ARHGEF7: variants seen among roughly 807,000 people sequenced by gnomAD.
ARHGEF7 encodes the protein Rho guanine nucleotide exchange factor 7.
A neutral mutation model predicts 109.8 loss-of-function variants in ARHGEF7; 33 were observed. That is an observed-to-expected ratio of 0.30 (90% confidence interval 0.23 to 0.40). ARHGEF7 has a LOEUF of 0.40. Among genes scored for constraint, ARHGEF7 ranks in the 10% least tolerant of loss-of-function variants. The pLI, the probability that ARHGEF7 is intolerant of heterozygous loss-of-function variation, is 1.00. For synonymous variants in ARHGEF7, 458 were observed against 424.6 expected, an observed-to-expected ratio of 1.08 and a Z score of -0.97; for missense variants, 938 against 1,098.5, an observed-to-expected ratio of 0.85 and a Z score of 2.07.
rs193170328 is a variant in ARHGEF7, at chr13:111,301,619, A to G, written c.2466+87A>G. 225 of 1,093,954 alleles carry G rather than the reference A, an allele frequency of 2.1e-4. 1 individual carries two copies. In the East Asian group the frequency reaches 4.9e-3, roughly 24 times the overall value. The allele number at this position is 1,093,954 out of a possible 1,614,324, so 67.8% of individuals were successfully genotyped here. A position where few individuals can be genotyped will look rare whatever the true frequency, so the allele number is the denominator to read the frequency against. ...TACATTAAAAATAAGCTGGCTGGGT[A>G]CGGTGGCTCACACCTATAATCCCAG... On this transcript the variant is annotated intron_variant, in intron 21 of 21. Transcript: ENST00000646102.
Position 111,280,626 on chromosome 13 carries a change from C to G in ARHGEF7, c.1674C>G (p.Val558=), listed in dbSNP as rs761304541. 4.3e-6 allele frequency: 7 copies of G among 1,612,014 alleles called. No homozygotes were observed. The highest frequency in any genetic ancestry group is 1.7e-5 in the Admixed American group (1 of 59,510). The change falls in exon 15 of 22, where the codon GTC becomes GTG. Residue 558 remains valine, a synonymous_variant. Coordinates refer to ENST00000646102, the MANE Select transcript of ARHGEF7 (RefSeq NM_001354046.2). ...AGCACCTACAGAAGCAAACGAAGGT[C>G]ACGTCTGTGGGAAACCCCACCATAA... ...WVEHLQKQTK[V]TSVGNPTIKP...
In ARHGEF7 at chr13:111,277,683, A is replaced by T. The variant is rs775822926; in HGVS notation, c.1506+10A>T. 2 of 1,531,216 alleles carry T rather than the reference A, an allele frequency of 1.3e-6. No homozygotes were observed. Among genetic ancestry groups the T allele is most frequent in the East Asian group, 2.2e-5 (1 of 44,474 alleles). The allele number at this position is 1,531,216 out of a possible 1,614,324, so 94.9% of individuals were successfully genotyped here. A position where few individuals can be genotyped will look rare whatever the true frequency, so the allele number is the denominator to read the frequency against. On this transcript the variant is annotated intron_variant, in intron 13 of 21. Coordinates refer to ENST00000646102, the MANE Select transcript of ARHGEF7 (RefSeq NM_001354046.2). ...TGGCTTTATCTATCAGGTAAAACAC[A>T]ATTTAAATTTATATTTTATTGTGGA...
In ARHGEF7 at chr13:111,196,430, A is replaced by G. The variant is rs189646790; in HGVS notation, c.253-8859A>G. Among the ~76,000 whole-genome samples the G allele has an allele frequency of 9.1e-4, 138 of 152,364 alleles. 1 individual carries two copies. Among genetic ancestry groups the G allele is most frequent in the African/African-American group, 3.1e-3 (130 of 41,586 alleles). On this transcript the variant is annotated intron_variant, in intron 2 of 21. Coordinates refer to ENST00000646102, the MANE Select transcript of ARHGEF7 (RefSeq NM_001354046.2). ...TTCATTAAAGACTAGGGTTTGATCT[A>G]ACAATAGCATGACATCTCTCCAAGT...
chr13:111,150,235 G>A (rs1278183006), intron 1 of ARHGEF7, among the ~76,000 whole-genome samples: 1 of 152,242 alleles, frequency 6.6e-6, no homozygotes, highest in Admixed American at 6.5e-5. Flanking sequence ...TAAATGTGAG[G>A]CCACGTTCAA....
chr13:111,194,681 A>G (rs1226431972), intron 2 of ARHGEF7, among the ~76,000 whole-genome samples: 1 of 152,212 alleles, frequency 6.6e-6, no homozygotes, highest in African/African-American at 2.4e-5. Flanking sequence ...AATCATCCAC[A>G]TGCTGAAGGA....
intron 2 of ARHGEF7, among the ~76,000 whole-genome samples, chr13:111,187,345 G>A (rs1020519441): frequency 6.6e-6 from 1 of 152,136 alleles, no homozygotes; most frequent in Non-Finnish European, 1.5e-5. Flanking sequence ...GTGGGCCTGG[G>A]GCTGCCAGTG....
chr13:111,302,303 C>T (rs369253641), intron 21 of ARHGEF7, among the ~76,000 whole-genome samples: 11 of 152,236 alleles, frequency 7.2e-5, no homozygotes, highest in African/African-American at 2.4e-4. Flanking sequence ...TGAGTACGAG[C>T]GGCTTTGGTC....
intron 19 of ARHGEF7, among the ~76,000 whole-genome samples, chr13:111,299,377 C>G (rs1175630101): frequency 7.7e-6 from 1 of 129,874 alleles, no homozygotes; most frequent in Non-Finnish European, 1.5e-5. Context: ...GAGTCTCGCT[C>G]TGTCGCCCAG....
intron 8 of ARHGEF7, among the ~76,000 whole-genome samples, chr13:111,256,361 T>A (rs2090422159): frequency 6.6e-6 from 1 of 152,224 alleles, no homozygotes; most frequent in Non-Finnish European, 1.5e-5. Context: ...ATGCCTTCTT[T>A]CATAGAGGGT....
At chr13:111,117,827 G>A (rs895970875) in intron 1 of ARHGEF7, among the ~76,000 whole-genome samples, 5 of 152,130 alleles carry the variant, frequency 3.3e-5, no homozygotes, top group Admixed American at 1.3e-4. Flanking sequence ...CTCCCAAAGT[G>A]CTGGGATTAC....
chr13:111,148,869 C>T (rs901616751), intron 1 of ARHGEF7, among the ~76,000 whole-genome samples: 16 of 152,126 alleles, frequency 1.1e-4, no homozygotes, highest in African/African-American at 3.4e-4. Flanking sequence ...TTTTAACTTA[C>T]GAGAGACCAT....
Position 111,131,725 on chromosome 13 carries a change from G to A in ARHGEF7, c.165+16034G>A, listed in dbSNP as rs2153344755. On this transcript the variant is annotated intron_variant, in intron 1 of 21. Transcript: ENST00000646102. The surrounding 1 kb of genome is among the most constrained non-coding windows in gnomAD (Gnocchi z 4.4). ...GTGCTGGTGTGTTTCTGAGAGGTCA[G>A]GTGAGTGCAATTCAGAAGATTGTCT... Among the ~76,000 whole-genome samples the A allele has an allele frequency of 6.6e-6, 1 of 152,270 alleles. No individual in the cohort carries two copies. Among genetic ancestry groups the A allele is most frequent in the Middle Eastern group, 3.4e-3 (1 of 294 alleles).
At chr13:111,140,936 C>T (rs927744790) in intron 1 of ARHGEF7, among the ~76,000 whole-genome samples, 2 of 152,116 alleles carry the variant, frequency 1.3e-5, no homozygotes, top group Admixed American at 1.3e-4. Context: ...GCTTTGGCCT[C>T]CCAAAATGTT....
intron 1 of ARHGEF7, among the ~76,000 whole-genome samples, chr13:111,116,996 A>G (rs1242504194): frequency 1.3e-5 from 2 of 152,230 alleles, no homozygotes; most frequent in Non-Finnish European, 1.5e-5. Flanking sequence ...GATTTAAGAC[A>G]GGAGGACTGA....
intron 8 of ARHGEF7, among the ~76,000 whole-genome samples, chr13:111,251,130 G>T (rs954197965): frequency 1.2e-4 from 18 of 152,348 alleles, no homozygotes; most frequent in African/African-American, 4.3e-4. Context: ...CCTGTAAGCT[G>T]TCTAGGGGCC....
rs187824875 is a variant in ARHGEF7 at position 111,131,595 on chromosome 13, G to C, written c.165+15904G>C. Among the ~76,000 whole-genome samples the C allele has an allele frequency of 1.3e-4, 20 of 152,332 alleles. No homozygotes were observed. The highest frequency in any genetic ancestry group is 5.9e-5 in the Non-Finnish European group (4 of 68,040). ...CCAAGGGCCAGCCTTGGGAAGGGTG[G>C]AGATGAATAACCAGGTGGTGCTGAT... On this transcript the variant is annotated intron_variant, in intron 1 of 21. Transcript: ENST00000646102. This position sits in a 1 kb window ranked among gnomAD's most constrained non-coding sequence, Gnocchi z 4.4.
intron 8 of ARHGEF7, among the ~76,000 whole-genome samples, chr13:111,245,586 C>T (rs575096017): frequency 3.3e-5 from 5 of 152,256 alleles, no homozygotes; most frequent in African/African-American, 1.2e-4. Context: ...TGATTGCTCT[C>T]ATTTGGTCGT....
In ARHGEF7 at chr13:111,235,260, G is replaced by A. The variant is rs2086644578; in HGVS notation, c.759+1967G>A. On this transcript the variant is annotated intron_variant, in intron 6 of 21. Coordinates refer to ENST00000646102, the MANE Select transcript of ARHGEF7 (RefSeq NM_001354046.2). ...ATTCTTTAGTTTCTCCATTAATCTT[G>A]CTTTCATTAGGCACTTTATAAAACC... is the stretch of plus-strand genomic sequence containing the variant. Among the ~76,000 whole-genome samples the A allele has an allele frequency of 2.0e-5, 3 of 152,280 alleles. No individual in the cohort carries two copies. In the East Asian group the frequency reaches 5.8e-4, roughly 29 times the overall value.
rs1044818780 is a variant in ARHGEF7, at chr13:111,241,115, T to G, written c.760-2757T>G. ...ACCAGTGTTTGACTGCACTTGCCTC[T>G]CCATGCCTCGTGACCCCCGGGAAGC... On this transcript the variant is annotated intron_variant, in intron 6 of 21. Coordinates refer to ENST00000646102, the MANE Select transcript of ARHGEF7 (RefSeq NM_001354046.2). The G allele has an allele frequency of 9.3e-6, 14 of 1,509,790 alleles. No homozygotes were observed. The African/African-American group carries it at 1.7e-4, about 18-fold the overall frequency. 93.5% of individuals were successfully genotyped at this position (1,509,790 alleles called of 1,614,324 possible).
Sources: gnomAD v4.1 joint callset for allele counts (sites outside exome capture counted in the v4.1 genomes callset) on GRCh38, gnomAD v4.1.1 for gene constraint, Gnocchi (gnomAD v3.1) non-coding constraint, MANE v1.5 for transcripts, NCBI Gene and HGNC (gene_info 2026-07-23, HGNC 2026-07-21) for gene names.